The following ROBO1 variants were observed in gnomAD, a reference collection of about 807,000 sequenced individuals.
ROBO1 encodes roundabout guidance receptor 1, also known as roundabout homolog 1.
In ROBO1, 149 loss-of-function variants were observed where a neutral mutation model predicts 195.9. The ratio of observed to expected loss-of-function variants is 0.76; its 90% CI spans 0.67 to 0.87. The LOEUF is 0.87. Among genes scored for constraint, ROBO1 ranks in the 40% least tolerant of loss-of-function variants. The pLI is 0.00. For missense variants in ROBO1, 1,933 were observed against 2,068.3 expected (o/e 0.93, Z 1.27); for synonymous variants, 816 against 733.2 (o/e 1.11, Z -1.82).
chr3:79,071,247 C>T (rs1305419657), intron 3 of ROBO1, among the ~76,000 whole-genome samples: 1 of 151,734 alleles, frequency 6.6e-6, no homozygotes, highest in Admixed American at 6.6e-5. Flanking sequence ...ACAATATTTT[C>T]ATATCCAAAC....
At chr3:79,389,389 T>G (rs370247086) in intron 2 of ROBO1, among the ~76,000 whole-genome samples, 1 of 152,300 alleles carries the variant, frequency 6.6e-6, no homozygotes, top group South Asian at 2.1e-4. Flanking sequence ...TGATTCTTTG[T>G]GTGCGTTGCA....
At chr3:79,720,403 C>A (rs1260329708) in intron 1 of ROBO1, among the ~76,000 whole-genome samples, 1 of 152,174 alleles carries the variant, frequency 6.6e-6, no homozygotes, top group African/African-American at 2.4e-5. Flanking sequence ...AACACCTAGT[C>A]CAGCTGAGCT....
chr3:79,605,854 T>G (rs1288758770), intron 1 of ROBO1, among the ~76,000 whole-genome samples: 1 of 151,938 alleles, frequency 6.6e-6, no homozygotes, highest in Non-Finnish European at 1.5e-5. Flanking sequence ...TCCATTCCAT[T>G]TTAGCTTCCA....
At chr3:78,798,689 C>T (rs2084258982) in intron 4 of ROBO1, among the ~76,000 whole-genome samples, 1 of 152,112 alleles carries the variant, frequency 6.6e-6, no homozygotes, top group African/African-American at 2.4e-5. Context: ...TCTGACTAGG[C>T]AAACATATAG....
intron 2 of ROBO1, among the ~76,000 whole-genome samples, chr3:79,457,388 TGTGTGTGC>T (rs1408387401): frequency 1.3e-5 from 2 of 151,304 alleles, no homozygotes; most frequent in African/African-American, 4.9e-5. Flanking sequence ...ACACTGTGTG[TGTGTGTGC>T]GTGTGTGTGT....
intron 4 of ROBO1, among the ~76,000 whole-genome samples, chr3:78,906,104 C>T (rs1313672886): frequency 1.3e-5 from 2 of 152,076 alleles, no homozygotes; most frequent in Non-Finnish European, 1.5e-5. Flanking sequence ...TAACAACATT[C>T]TTATTTCAGA....
intron 8 of ROBO1, among the ~76,000 whole-genome samples, chr3:78,702,886 T>A (rs980361193): frequency 5.9e-5 from 9 of 152,196 alleles, no homozygotes; most frequent in African/African-American, 2.2e-4. Context: ...CACTGAATCA[T>A]CTTATGTATC....
At chr3:79,721,373 T>TAA (rs1017603861) in intron 1 of ROBO1, among the ~76,000 whole-genome samples, 1 of 151,778 alleles carries the variant, frequency 6.6e-6, no homozygotes, top group Non-Finnish European at 1.5e-5. Context: ...ATAAAAAAAC[T>TAA]AAAAAAAAGT....
chr3:79,545,514 T>C (rs1442385046), intron 2 of ROBO1, among the ~76,000 whole-genome samples: 1 of 152,204 alleles, frequency 6.6e-6, no homozygotes, highest in African/African-American at 2.4e-5. Context: ...GATATCTTCC[T>C]GCACAAATTT....
At chr3:79,368,948 T>C (rs1236409527) in intron 2 of ROBO1, among the ~76,000 whole-genome samples, 1 of 152,168 alleles carries the variant, frequency 6.6e-6, no homozygotes, top group Non-Finnish European at 1.5e-5. Flanking sequence ...CATTAGTGCA[T>C]TTTAAATCTG....
At chr3:79,511,322 A>G (rs376943321) in intron 2 of ROBO1, among the ~76,000 whole-genome samples, 38 of 152,306 alleles carry the variant, frequency 2.5e-4, no homozygotes, top group African/African-American at 9.1e-4. Flanking sequence ...ACTACCCAAC[A>G]TTATTTTTCA....
In ROBO1 at chr3:78,763,928, G is replaced by A. The variant is rs76203955; in HGVS notation, c.500-17028C>T. 1.1e-3 allele frequency among the ~76,000 whole-genome samples: 173 copies of A among 152,296 alleles called. 5 individuals carry two copies. The East Asian group carries it at 0.03, about 26-fold the overall frequency. On this transcript the variant is annotated intron_variant, in intron 4 of 30. Coordinates refer to ENST00000464233, the MANE Select transcript of ROBO1 (RefSeq NM_002941.4). The stretch of plus-strand genomic sequence containing the variant: ...TAATTGCTTAAGGTTAGTGTATGAA[G>A]TAAAAGTTTTATAGTGTGGAAGTGT...
rs185820354 is a variant in ROBO1, at chr3:79,091,263, G to A, written c.172+34193C>T. Among the ~76,000 whole-genome samples the A allele has an allele frequency of 3.3e-4, 50 of 152,136 alleles. 1 individual carries two copies. In the East Asian group the frequency reaches 6.0e-3, roughly 18 times the overall value. On this transcript the variant is annotated intron_variant, in intron 3 of 30. Transcript: ENST00000464233. ...TAGATGAATCAAGTTTTAATATACT[G>A]TATGATGGGTGGATGAGACTGTCCA... is the stretch of plus-strand genomic sequence containing the variant.
intron 2 of ROBO1, among the ~76,000 whole-genome samples, chr3:79,366,394 C>G (rs778372878): frequency 1.7e-4 from 26 of 152,122 alleles, no homozygotes; most frequent in Non-Finnish European, 3.5e-4. Context: ...CACCATGAAA[C>G]TACTTAAAAG....
chr3:78,714,708 C>T, intron 7 of ROBO1, 184 bp from the exon 8 acceptor site: 1 of 480,334 alleles, frequency 2.1e-6, no homozygotes, highest in South Asian at 5.3e-5. Context: ...ATTATGTGGA[C>T]TAACATATTA....
At chr3:79,596,694 A>T (rs1944181410) in intron 1 of ROBO1, among the ~76,000 whole-genome samples, 1 of 152,066 alleles carries the variant, frequency 6.6e-6, no homozygotes, top group Non-Finnish European at 1.5e-5. Context: ...GAAAATATAC[A>T]GTTAGCAAAT....
At chr3:79,601,766 T>G (rs1262578651) in intron 1 of ROBO1, among the ~76,000 whole-genome samples, 1 of 151,946 alleles carries the variant, frequency 6.6e-6, no homozygotes, top group Non-Finnish European at 1.5e-5. Context: ...CAGAGCAAAA[T>G]GTACTCAGTT....
At chr3:79,017,940 G>A (rs2077992274) in intron 3 of ROBO1, among the ~76,000 whole-genome samples, 1 of 152,200 alleles carries the variant, frequency 6.6e-6, no homozygotes, top group Non-Finnish European at 1.5e-5. Context: ...GTGCTCGGAA[G>A]AGGAGGGGCT....
chr3:79,485,391 T>A (rs1041109218), intron 2 of ROBO1, among the ~76,000 whole-genome samples: 1 of 152,214 alleles, frequency 6.6e-6, no homozygotes, highest in Admixed American at 6.5e-5. Flanking sequence ...CAATCATATA[T>A]ATGAAAACGG....
Sources: gnomAD v4.1 joint callset for allele counts (sites outside exome capture counted in the v4.1 genomes callset) on GRCh38, gnomAD v4.1.1 for gene constraint, MANE v1.5 for transcripts, NCBI Gene and HGNC (gene_info 2026-07-23, HGNC 2026-07-21) for gene names.